The following TMEM117 variants were observed in gnomAD, a reference collection of about 807,000 sequenced individuals.
The protein encoded by TMEM117 is transmembrane protein 117.
In TMEM117, 27 loss-of-function variants were observed where a neutral mutation model predicts 52.4. That is an observed-to-expected ratio of 0.51 (90% CI 0.38 to 0.71). TMEM117 has a LOEUF of 0.71. Among genes scored for constraint, TMEM117 ranks in the 30% least tolerant of loss-of-function variants. The probability of loss-of-function intolerance (pLI) is 0.00; values close to 1 mark genes in which losing one functional copy is unlikely to be tolerated. For missense variants in TMEM117, 556 were observed against 630.5 expected, an observed-to-expected ratio of 0.88 and a Z score of 1.26; for synonymous variants, 215 against 206.3, an observed-to-expected ratio of 1.04 and a Z score of -0.36.
intron 3 of TMEM117, among the ~76,000 whole-genome samples, chr12:43,986,044 A>C (rs2137734915): frequency 6.6e-6 from 1 of 152,324 alleles, no homozygotes; most frequent in South Asian, 2.1e-4. Context: ...TCAAAGTCTG[A>C]ATGAATGATA....
chr12:43,864,513 CTG>C (rs985042046), intron 2 of TMEM117, among the ~76,000 whole-genome samples: 9 of 152,280 alleles, frequency 5.9e-5, no homozygotes, highest in African/African-American at 2.2e-4. Context: ...AATCGGCACT[CTG>C]TATCTAGCTC....
intron 2 of TMEM117, among the ~76,000 whole-genome samples, chr12:43,875,165 AC>A (rs1943772450): frequency 6.6e-6 from 1 of 152,168 alleles, no homozygotes; most frequent in African/African-American, 2.4e-5. Flanking sequence ...CAGCTTCTTT[AC>A]AGCAGTAAGA....
At chr12:44,115,238 C>T (rs1948119261) in intron 3 of TMEM117, among the ~76,000 whole-genome samples, 1 of 152,086 alleles carries the variant, frequency 6.6e-6, no homozygotes, top group South Asian at 2.1e-4. Flanking sequence ...TTAAAACCCT[C>T]ATAGGTGGGA....
intron 3 of TMEM117, among the ~76,000 whole-genome samples, chr12:43,984,405 A>ACAACAACAG (rs60356044): frequency 6.7e-6 from 1 of 149,626 alleles, no homozygotes; most frequent in Admixed American, 6.6e-5. Context: ...AACAACAACA[A>ACAACAACAG]CAGCATATCA....
At chr12:44,190,018 A>C (rs1949329970) in intron 4 of TMEM117, among the ~76,000 whole-genome samples, 1 of 152,186 alleles carries the variant, frequency 6.6e-6, no homozygotes, top group African/African-American at 2.4e-5. Context: ...AAGAGATGAC[A>C]AACTAGAACA....
chr12:43,866,750 A>G (rs776531568), intron 2 of TMEM117, among the ~76,000 whole-genome samples: 1 of 152,224 alleles, frequency 6.6e-6, no homozygotes. Flanking sequence ...AATCATAAAT[A>G]TAGGGCTCAA....
intron 3 of TMEM117, among the ~76,000 whole-genome samples, chr12:44,122,817 A>G (rs147225727): frequency 3.3e-5 from 5 of 152,264 alleles, no homozygotes; most frequent in Non-Finnish European, 5.9e-5. Flanking sequence ...CCTATAGTTG[A>G]TGGGCATTTA....
intron 2 of TMEM117, among the ~76,000 whole-genome samples, chr12:43,924,334 C>T (rs1300438984): frequency 6.6e-6 from 1 of 152,028 alleles, no homozygotes; most frequent in Non-Finnish European, 1.5e-5. Flanking sequence ...AGACACTGGT[C>T]ATATAAAATA....
the TMEM117 span, among the ~76,000 whole-genome samples, chr12:43,827,399 T>C: frequency 6.6e-6 from 1 of 152,170 alleles, no homozygotes; most frequent in Non-Finnish European, 1.5e-5. Flanking sequence ...CTGAAAATGA[T>C]GGTTTTACAT....
intron 3 of TMEM117, among the ~76,000 whole-genome samples, chr12:44,118,625 T>A (rs898271669): frequency 1.3e-5 from 2 of 152,192 alleles, no homozygotes; most frequent in African/African-American, 4.8e-5. Flanking sequence ...TCCCTAAAAC[T>A]TTAGTAGAAA....
intron 2 of TMEM117, among the ~76,000 whole-genome samples, chr12:43,926,851 G>A (rs1261449659): frequency 6.6e-6 from 1 of 151,602 alleles, no homozygotes; most frequent in Non-Finnish European, 1.5e-5. Context: ...TAAGAGATTT[G>A]TTGGTTTTAT....
chr12:44,165,627 G>A (rs73290247), intron 4 of TMEM117, among the ~76,000 whole-genome samples: 2,902 of 152,244 alleles, frequency 0.019, 80 homozygotes, highest in African/African-American at 0.066. Flanking sequence ...AAAAGACATA[G>A]AAGGTCATTA....
chr12:43,957,474 A>G (rs1945327761), intron 3 of TMEM117, among the ~76,000 whole-genome samples: 1 of 152,214 alleles, frequency 6.6e-6, no homozygotes, highest in Admixed American at 6.5e-5. Flanking sequence ...AAAATGAGAC[A>G]TCAATAGAAA....
chr12:44,036,019 T>C (rs1946704903), intron 3 of TMEM117, among the ~76,000 whole-genome samples: 1 of 152,210 alleles, frequency 6.6e-6, no homozygotes, highest in Non-Finnish European at 1.5e-5. Context: ...CTCTTTGTTC[T>C]CTGATATTTA....
chr12:43,916,421 A>G (rs887199021), intron 2 of TMEM117, among the ~76,000 whole-genome samples: 1 of 152,204 alleles, frequency 6.6e-6, no homozygotes, highest in East Asian at 1.9e-4. Flanking sequence ...TATGTTTATA[A>G]AACATGAATT....
intron 4 of TMEM117, among the ~76,000 whole-genome samples, chr12:44,149,342 A>T (rs181959394): frequency 4.6e-5 from 7 of 152,174 alleles, no homozygotes; most frequent in Non-Finnish European, 2.9e-5. Flanking sequence ...AAAGAATGGC[A>T]TATACTTGAG....
chr12:44,353,455 T>C (rs888440796), intron 6 of TMEM117, among the ~76,000 whole-genome samples: 10 of 152,084 alleles, frequency 6.6e-5, no homozygotes, highest in African/African-American at 2.2e-4. Flanking sequence ...CTTTAATCCA[T>C]CTTGAATTAA....
intron 3 of TMEM117, among the ~76,000 whole-genome samples, chr12:44,107,146 A>G (rs1310372944): frequency 6.6e-6 from 1 of 152,120 alleles, no homozygotes; most frequent in Non-Finnish European, 1.5e-5. Context: ...CTTAGTTCTC[A>G]AAATAACCTT....
chr12:44,007,764 T>A (rs1946223207), intron 3 of TMEM117, among the ~76,000 whole-genome samples: 1 of 152,152 alleles, frequency 6.6e-6, no homozygotes, highest in Non-Finnish European at 1.5e-5. Context: ...AGTGAATAAG[T>A]CTCATGAGAT....
Sources: gnomAD v4.1 joint callset for allele counts (sites outside exome capture counted in the v4.1 genomes callset) on GRCh38, gnomAD v4.1.1 for gene constraint, MANE v1.5 for transcripts, NCBI Gene and HGNC (gene_info 2026-07-23, HGNC 2026-07-21) for gene names.